The following HHAT variants were observed in gnomAD, a reference collection of about 807,000 sequenced individuals.
HHAT encodes the protein protein-cysteine N-palmitoyltransferase HHAT.
A neutral mutation model predicts 70.8 loss-of-function variants in HHAT; 47 were observed. The observed-to-expected ratio is 0.66, with a 90% CI of 0.53 to 0.85. The LOEUF is 0.85. Among genes scored for constraint, HHAT ranks in the 40% least tolerant of loss-of-function variants. HHAT has a pLI of 0.00. For missense variants in HHAT, 609 were observed against 604.8 expected, an observed-to-expected ratio of 1.01 and a Z score of -0.07; for synonymous variants, 228 against 247.6, an observed-to-expected ratio of 0.92 and a Z score of 0.74.
At chr1:210,460,114 G>A (rs965287427) in intron 7 of HHAT, among the ~76,000 whole-genome samples, 45 of 152,298 alleles carry the variant, frequency 3.0e-4, no homozygotes, top group African/African-American at 1.1e-3. Flanking sequence ...TTCAAAGATT[G>A]AGCATTCCAA....
intron 10 of HHAT, among the ~76,000 whole-genome samples, chr1:210,617,137 G>GCTTATC (rs1167480934): frequency 2.0e-5 from 3 of 152,222 alleles, no homozygotes; most frequent in Admixed American, 6.5e-5. Context: ...TTAAGCTGGG[G>GCTTATC]CTTGAAGAAT....
Position 210,428,670 on chromosome 1 carries a change from A to G in HHAT, c.856+10345A>G, listed in dbSNP as rs373648569. On this transcript the variant is annotated intron_variant, in intron 7 of 11. Transcript: ENST00000261458. ...TTATCCCTTCTGTTTCTTATAAACT[A>G]AAAGTTAAATCAAAAACCTTCGTGG... Among the ~76,000 whole-genome samples the G allele has an allele frequency of 2.1e-3, 326 of 151,766 alleles. 7 individuals are homozygous for G. The highest frequency in any genetic ancestry group is 7.5e-3 in the African/African-American group (310 of 41,104).
chr1:210,564,304 G>A (rs996116287), intron 9 of HHAT, among the ~76,000 whole-genome samples: 2 of 152,082 alleles, frequency 1.3e-5, no homozygotes, highest in Non-Finnish European at 2.9e-5. Context: ...CCTAGTGTGA[G>A]CACGTAGAAG....
intron 5 of HHAT, among the ~76,000 whole-genome samples, chr1:210,403,828 A>G (rs910477712): frequency 2.6e-5 from 4 of 152,042 alleles, no homozygotes; most frequent in East Asian, 3.9e-4. Context: ...TTTTTGTTCC[A>G]TGCATATTTT....
At chr1:210,583,947 A>ATTTTTTTTTTTTT (rs371722219) in intron 9 of HHAT, among the ~76,000 whole-genome samples, 3 of 88,994 alleles carry the variant, frequency 3.4e-5, no homozygotes, top group African/African-American at 4.3e-5. Context: ...AGTGCAGCTA[A>ATTTTTTTTTTTTT]TTTTTTTTTT....
At chr1:210,638,623 A>G (rs1381418258) in intron 11 of HHAT, among the ~76,000 whole-genome samples, 2 of 151,408 alleles carry the variant, frequency 1.3e-5, no homozygotes, top group Non-Finnish European at 2.9e-5. Flanking sequence ...GCCTATGCCC[A>G]TAATCTTAGC....
chr1:210,637,637 G>A (rs1672122803), intron 11 of HHAT, among the ~76,000 whole-genome samples: 1 of 152,170 alleles, frequency 6.6e-6, no homozygotes, highest in Non-Finnish European at 1.5e-5. Flanking sequence ...CGAGGCAGGA[G>A]GATAATGAGG....
intron 8 of HHAT, among the ~76,000 whole-genome samples, chr1:210,469,442 A>G (rs2094162292): frequency 6.6e-6 from 1 of 152,048 alleles, no homozygotes; most frequent in Admixed American, 6.5e-5. Flanking sequence ...CACCCCGACA[A>G]ATCTCCTTAT....
intron 2 of HHAT, among the ~76,000 whole-genome samples, chr1:210,351,486 T>A (rs2087017512): frequency 6.6e-6 from 1 of 152,240 alleles, no homozygotes; most frequent in Non-Finnish European, 1.5e-5. Flanking sequence ...CATCTCTTGA[T>A]CAGTTTATTC....
chr1:210,645,506 A>G (rs1673858384), intron 11 of HHAT, among the ~76,000 whole-genome samples: 1 of 152,118 alleles, frequency 6.6e-6, no homozygotes, highest in African/African-American at 2.4e-5. Flanking sequence ...TATAATTTTT[A>G]TACAGTAAAA....
At chr1:210,647,546 G>A (rs747659661) in intron 11 of HHAT, among the ~76,000 whole-genome samples, 82 of 152,150 alleles carry the variant, frequency 5.4e-4, no homozygotes, top group African/African-American at 1.5e-3. Flanking sequence ...TACCCTGGCC[G>A]CCATCCTCCC....
chr1:210,435,615 T>C (rs776772773), intron 7 of HHAT, among the ~76,000 whole-genome samples: 7 of 151,856 alleles, frequency 4.6e-5, no homozygotes, highest in Non-Finnish European at 1.0e-4. Context: ...CTCCTTTCTT[T>C]ACATCTTCAC....
chr1:210,343,443 T>G (rs982385107), intron 1 of HHAT, among the ~76,000 whole-genome samples: 1 of 152,180 alleles, frequency 6.6e-6, no homozygotes, highest in Non-Finnish European at 1.5e-5. Context: ...GTAGTGACAG[T>G]CTCAAATAGT....
chr1:210,551,870 A>G (rs933778627), intron 9 of HHAT, among the ~76,000 whole-genome samples: 13 of 152,158 alleles, frequency 8.5e-5, no homozygotes, highest in African/African-American at 2.7e-4. Context: ...AGTGAACCCA[A>G]GATTTTTATT....
chr1:210,424,971 T>C (rs555824885), intron 7 of HHAT, among the ~76,000 whole-genome samples: 1 of 152,348 alleles, frequency 6.6e-6, no homozygotes, highest in South Asian at 2.1e-4. Context: ...ACCAACAGTG[T>C]ATAAGTGTTC....
intron 7 of HHAT, chr1:210,463,139 C>CTT (rs11462094): frequency 2.8e-3 from 398 of 141,990 alleles, no homozygotes; most frequent in African/African-American, 8.3e-3. Flanking sequence ...GTGAGTTTTC[C>CTT]TTTTTTTTTT....
chr1:210,538,914 C>A (rs1019419883), intron 9 of HHAT, among the ~76,000 whole-genome samples: 9 of 151,956 alleles, frequency 5.9e-5, no homozygotes, highest in African/African-American at 2.2e-4. Context: ...CCGTCTCTAC[C>A]AAAAATACAA....
intron 11 of HHAT, among the ~76,000 whole-genome samples, chr1:210,642,295 C>T (rs149658706): frequency 6.6e-6 from 1 of 152,314 alleles, no homozygotes; most frequent in East Asian, 1.9e-4. Flanking sequence ...ATTCATGTAT[C>T]TATTCAACTG....
upstream of HHAT, among the ~76,000 whole-genome samples, chr1:210,327,437 A>C (rs2147885776): frequency 6.6e-6 from 1 of 151,996 alleles, no homozygotes; most frequent in East Asian, 1.9e-4. Context: ...TACTTAAAAA[A>C]AATAAGTATA....
Sources: gnomAD v4.1 joint callset for allele counts (sites outside exome capture counted in the v4.1 genomes callset) on GRCh38, gnomAD v4.1.1 for gene constraint, MANE v1.5 for transcripts, NCBI Gene and HGNC (gene_info 2026-07-23, HGNC 2026-07-21) for gene names.